Variants in ZCCHC7 observed in about 807,000 individuals in gnomAD.
ZCCHC7 encodes zinc finger CCHC-type containing 7.
A neutral mutation model predicts 52.0 loss-of-function variants in ZCCHC7; 35 were observed. The observed-to-expected ratio is 0.67, with a 90% confidence interval of 0.51 to 0.89. ZCCHC7 has a LOEUF of 0.89. Ranked by LOEUF, ZCCHC7 falls within the 40% of genes least tolerant of loss-of-function variation. ZCCHC7 has a pLI of 0.00. For synonymous variants in ZCCHC7, 217 were observed against 221.5 expected (o/e 0.98, Z 0.18); for missense variants, 574 against 649.1 (o/e 0.88, Z 1.26).
intron 2 of ZCCHC7, among the ~76,000 whole-genome samples, chr9:37,272,341 G>A (rs1380112640): frequency 6.6e-6 from 1 of 151,932 alleles, no homozygotes; most frequent in Admixed American, 6.6e-5. Flanking sequence ...TGTAAAGTGT[G>A]TTGAATTTAA....
chr9:37,235,344 A>G (rs1335811341), intron 2 of ZCCHC7, among the ~76,000 whole-genome samples: 1 of 152,076 alleles, frequency 6.6e-6, no homozygotes. Context: ...TATGGGAGAA[A>G]TCATGTGGTA....
Position 37,352,511 on chromosome 9 carries a change from C to CTTTTT in ZCCHC7, c.1084-2179_1084-2175dup, listed in dbSNP as rs869266535. ...TACCTTTGCATAATCACAATTTGCTCTTTTTTTTTTTTTTTTTTTTTTTTG... is the reference window on the plus strand; with the variant it reads ...TACCTTTGCATAATCACAATTTGCTCTTTTTTTTTTTTTTTTTTTTTTTTTTTTTG... On this transcript the variant is annotated intron_variant, in intron 7 of 8. Coordinates refer to ENST00000336755, the MANE Select transcript of ZCCHC7 (RefSeq NM_032226.3). Among the ~76,000 whole-genome samples the CTTTTT allele has an allele frequency of 3.2e-3, 265 of 81,562 alleles. 7 individuals are homozygous for CTTTTT. The highest frequency in any genetic ancestry group is 7.6e-3 in the African/African-American group (137 of 17,968). 53.5% of individuals were successfully genotyped at this position (81,562 alleles called of 152,430 possible).
chr9:37,267,398 TG>T (rs529710375), intron 2 of ZCCHC7, among the ~76,000 whole-genome samples: 2 of 151,554 alleles, frequency 1.3e-5, no homozygotes, highest in South Asian at 2.1e-4. Context: ...CATTTGGTGG[TG>T]GGGGGGAGAC....
At chr9:37,124,603 A>G (rs1014745713) in intron 1 of ZCCHC7, among the ~76,000 whole-genome samples, 1 of 152,156 alleles carries the variant, frequency 6.6e-6, no homozygotes, top group Non-Finnish European at 1.5e-5. Flanking sequence ...TATAAATGTG[A>G]TGAGTGTTTT....
intron 2 of ZCCHC7, among the ~76,000 whole-genome samples, chr9:37,180,252 T>C (rs981551045): frequency 1.3e-5 from 2 of 152,184 alleles, no homozygotes; most frequent in African/African-American, 2.4e-5. Flanking sequence ...TGTTTATGTT[T>C]TTTAAGTGAA....
intron 6 of ZCCHC7, 134 bp downstream of exon 6, chr9:37,327,968 A>C (rs2118179925): frequency 1.1e-6 from 1 of 898,166 alleles, no homozygotes; most frequent in South Asian, 1.8e-5. Context: ...TGTACGGAGA[A>C]AGCAATAATA....
chr9:37,216,145 T>C (rs1332582568), intron 2 of ZCCHC7, among the ~76,000 whole-genome samples: 1 of 152,208 alleles, frequency 6.6e-6, no homozygotes, highest in Non-Finnish European at 1.5e-5. Context: ...GTAATAGAAC[T>C]GTTATTTCTT....
intron 2 of ZCCHC7, among the ~76,000 whole-genome samples, chr9:37,297,622 T>A (rs1828847664): frequency 1.3e-5 from 2 of 152,250 alleles, no homozygotes; most frequent in South Asian, 4.1e-4. Flanking sequence ...ATGGCTTCCT[T>A]ATAAGAAGGA....
At chr9:37,235,730 C>CAA in intron 2 of ZCCHC7, among the ~76,000 whole-genome samples, 1 of 151,982 alleles carries the variant, frequency 6.6e-6, no homozygotes, top group African/African-American at 2.4e-5. Flanking sequence ...GCTGGGATTA[C>CAA]AGGCACACAC....
intron 2 of ZCCHC7, among the ~76,000 whole-genome samples, chr9:37,207,868 A>T (rs1564179131): frequency 6.6e-6 from 1 of 151,450 alleles, no homozygotes; most frequent in African/African-American, 2.4e-5. Flanking sequence ...CATTGCCAGC[A>T]TTTTTTTTCA....
chr9:37,163,443 C>G (rs965366063), intron 2 of ZCCHC7, among the ~76,000 whole-genome samples: 18 of 150,894 alleles, frequency 1.2e-4, no homozygotes, highest in Non-Finnish European at 2.2e-4. Context: ...GTGTTTTTAC[C>G]TTTTTATGTT....
At chr9:37,180,478 ATTTG>A (rs897846906) in intron 2 of ZCCHC7, among the ~76,000 whole-genome samples, 3 of 152,102 alleles carry the variant, frequency 2.0e-5, no homozygotes, top group African/African-American at 4.8e-5. Context: ...GTAAAACACT[ATTTG>A]TTTTCTGAAA....
chr9:37,333,934 C>T (rs1053512388), intron 6 of ZCCHC7: 4 of 151,812 alleles, frequency 2.6e-5, no homozygotes, highest in Non-Finnish European at 5.9e-5. Flanking sequence ...ACTTGCAACT[C>T]TGCACTTTTA....
At chr9:37,207,498 T>G (rs1393550317) in intron 2 of ZCCHC7, among the ~76,000 whole-genome samples, 36 of 26,540 alleles carry the variant, frequency 1.4e-3, no homozygotes, top group Admixed American at 5.1e-3. Context: ...TTCTCCAGAG[T>G]TTTTTTTTTT....
chr9:37,155,030 T>C (rs1437034107), intron 2 of ZCCHC7, among the ~76,000 whole-genome samples: 1 of 152,134 alleles, frequency 6.6e-6, no homozygotes, highest in Non-Finnish European at 1.5e-5. Flanking sequence ...TTTCCACATT[T>C]GTGGGTGTTC....
intron 2 of ZCCHC7, among the ~76,000 whole-genome samples, chr9:37,179,477 T>C (rs562936864): frequency 6.6e-6 from 1 of 152,316 alleles, no homozygotes; most frequent in African/African-American, 2.4e-5. Context: ...ATCTGCTTGA[T>C]TAAAAATGTA....
intron 3 of ZCCHC7, 101 bp downstream of exon 3, chr9:37,302,332 A>G (rs1446991400): frequency 1.0e-5 from 10 of 989,846 alleles, no homozygotes; most frequent in Non-Finnish European, 1.5e-5. Context: ...GTGGCTTATA[A>G]GAAAACATTT....
chr9:37,169,559 A>G (rs1353265656), intron 2 of ZCCHC7, among the ~76,000 whole-genome samples: 3 of 152,180 alleles, frequency 2.0e-5, no homozygotes, highest in African/African-American at 4.8e-5. Flanking sequence ...TGGTAACCCA[A>G]CATTGCTGGT....
At chr9:37,208,881 A>G (rs1824059995) in intron 2 of ZCCHC7, among the ~76,000 whole-genome samples, 1 of 152,198 alleles carries the variant, frequency 6.6e-6, no homozygotes, top group South Asian at 2.1e-4. Context: ...AAAAAAGGCT[A>G]TATATGATAT....
Sources: allele counts gnomAD v4.1 joint callset (sites outside exome capture counted in the v4.1 genomes callset), GRCh38; gene constraint gnomAD v4.1.1; transcripts MANE v1.5; gene names NCBI Gene and HGNC (gene_info 2026-07-23, HGNC 2026-07-21).